The following PARD3 variants were observed in gnomAD, a reference collection of about 807,000 sequenced individuals.
PARD3 encodes partitioning defective 3 homolog.
A neutral mutation model predicts 155.4 loss-of-function variants in PARD3; 75 were observed. The ratio of observed to expected loss-of-function variants is 0.48; its 90% CI spans 0.40 to 0.58. PARD3 has a LOEUF of 0.58. Ranked by LOEUF, PARD3 falls within the 20% of genes least tolerant of loss-of-function variation. The pLI is 0.00. For missense variants in PARD3, 1,642 were observed against 1,721.7 expected, an observed-to-expected ratio of 0.95 and a Z score of 0.82; for synonymous variants, 576 against 610.5, an observed-to-expected ratio of 0.94 and a Z score of 0.83.
intron 14 of PARD3, among the ~76,000 whole-genome samples, chr10:34,356,386 A>G (rs1838880032): frequency 6.6e-6 from 1 of 152,198 alleles, no homozygotes; most frequent in Non-Finnish European, 1.5e-5. Flanking sequence ...TGAAAAATAA[A>G]GAAGACATAT....
At chr10:34,733,931 A>T (rs112469250) in intron 1 of PARD3, among the ~76,000 whole-genome samples, 1 of 149,200 alleles carries the variant, frequency 6.7e-6, no homozygotes, top group East Asian at 1.9e-4. Context: ...TGCTTCTGCG[A>T]AAGTAAAATC....
chr10:34,276,441 A>G, intron 21 of PARD3, among the ~76,000 whole-genome samples: 1 of 151,010 alleles, frequency 6.6e-6, no homozygotes, highest in South Asian at 2.1e-4. Flanking sequence ...CTCTTGTCAC[A>G]GTGTTCACCA....
At chr10:34,743,867 G>A (rs910998464) in intron 1 of PARD3, among the ~76,000 whole-genome samples, 1 of 152,120 alleles carries the variant, frequency 6.6e-6, no homozygotes, top group African/African-American at 2.4e-5. Flanking sequence ...CCCCAGATAA[G>A]GGCATGGTGG....
In PARD3 at chr10:34,351,110, T is replaced by C. The variant is rs1838032846; in HGVS notation, c.2068-2995A>G. Reference sequence around the variant, plus strand: ...ATGCATTAGCAAGCCAAATAGTGTCTTTCACCTAAAGAAAATGTATCCCAC... The same window carrying C: ...ATGCATTAGCAAGCCAAATAGTGTCCTTCACCTAAAGAAAATGTATCCCAC... On this transcript the variant is annotated intron_variant, in intron 14 of 24. Coordinates refer to ENST00000374788, the MANE Select transcript of PARD3 (RefSeq NM_001184785.2). Among the ~76,000 whole-genome samples the C allele has an allele frequency of 2.0e-5, 3 of 152,150 alleles. No individual in the cohort carries two copies. The South Asian group carries it at 6.2e-4, about 32-fold the overall frequency.
Position 34,523,721 on chromosome 10 carries a change from G to C in PARD3, c.223-6562C>G, listed in dbSNP as rs555849017. On this transcript the variant is annotated intron_variant, in intron 2 of 24. Coordinates refer to ENST00000374788, the MANE Select transcript of PARD3 (RefSeq NM_001184785.2). ...AAATTCAACAGATATGGGAGAACTAGAGCATAATGAAATAAATTTCAAAAA... is the reference window on the plus strand; with the variant it reads ...AAATTCAACAGATATGGGAGAACTACAGCATAATGAAATAAATTTCAAAAA... Among the ~76,000 whole-genome samples, 45 of 152,312 alleles carry C rather than the reference G, an allele frequency of 3.0e-4. 1 individual carries two copies. Among genetic ancestry groups the C allele is most frequent in the Admixed American group, 1.9e-3 (29 of 15,298 alleles).
At chr10:34,341,264 T>G (rs1360113320) in intron 16 of PARD3, among the ~76,000 whole-genome samples, 1 of 151,670 alleles carries the variant, frequency 6.6e-6, no homozygotes, top group East Asian at 1.9e-4. Context: ...CAAAAGTATC[T>G]AATTGTTGCC....
chr10:34,394,748 A>C (rs1236654112), intron 7 of PARD3, among the ~76,000 whole-genome samples: 2 of 152,194 alleles, frequency 1.3e-5, no homozygotes, highest in Non-Finnish European at 2.9e-5. Flanking sequence ...AGAAAGTGTC[A>C]GAAATACTTC....
intron 20 of PARD3, among the ~76,000 whole-genome samples, chr10:34,286,702 T>G (rs931249967): frequency 6.6e-6 from 1 of 152,076 alleles, no homozygotes; most frequent in South Asian, 2.1e-4. Context: ...GATTTTGGAT[T>G]TTACTGAGAT....
intron 1 of PARD3, among the ~76,000 whole-genome samples, chr10:34,716,066 G>A (rs1003077802): frequency 3.3e-5 from 5 of 152,086 alleles, no homozygotes; most frequent in East Asian, 3.9e-4. Context: ...TTTAAAGTAC[G>A]GGCTCCAAGA....
chr10:34,640,112 G>A (rs2092622059), intron 2 of PARD3, among the ~76,000 whole-genome samples: 1 of 152,168 alleles, frequency 6.6e-6, no homozygotes, highest in Non-Finnish European at 1.5e-5. Flanking sequence ...TACAACTGAA[G>A]AAAGAACAAG....
chr10:34,233,987 A>G (rs904046163), intron 22 of PARD3, among the ~76,000 whole-genome samples: 2 of 152,124 alleles, frequency 1.3e-5, no homozygotes, highest in East Asian at 3.8e-4. Flanking sequence ...CACCTGTGTA[A>G]CCAAGCCCCT....
intron 14 of PARD3, among the ~76,000 whole-genome samples, chr10:34,353,990 G>C (rs1838497105): frequency 6.6e-6 from 1 of 151,662 alleles, no homozygotes; most frequent in Non-Finnish European, 1.5e-5. Context: ...TTTAAGTGTA[G>C]TTAGATAAAA....
At position 34,399,368 on chromosome 10, in the gene PARD3, C is replaced by T. The variant is rs369631891; in HGVS notation, c.852G>A (p.Leu284=). The change falls in exon 7 of 25, where the codon CTG becomes CTA. Residue 284 remains leucine, a synonymous_variant. Transcript: ENST00000374788. ...CACTGAAAGGCACTACGTGGATTCCCAGAGGCCCTCCATCGTTGGGGACTT... is the reference window on the plus strand; with the variant it reads ...CACTGAAAGGCACTACGTGGATTCCTAGAGGCCCTCCATCGTTGGGGACTT... ...LVEVPNDGGP[L]GIHVVPFSAR... 160 of 1,612,324 alleles carry T rather than the reference C, an allele frequency of 9.9e-5. 4 individuals are homozygous for T. The South Asian group carries it at 1.5e-3, about 15-fold the overall frequency.
intron 22 of PARD3, among the ~76,000 whole-genome samples, chr10:34,222,688 C>A (rs1045916728): frequency 6.6e-6 from 1 of 152,206 alleles, no homozygotes; most frequent in African/African-American, 2.4e-5. Flanking sequence ...ACTGGATCAG[C>A]ACTTTACTTA....
Position 34,535,490 on chromosome 10 carries a change from G to C in PARD3, c.223-18331C>G, listed in dbSNP as rs142534851. Among the ~76,000 whole-genome samples the C allele has an allele frequency of 5.8e-3, 883 of 152,118 alleles. 9 individuals carry two copies. Among genetic ancestry groups the C allele is most frequent in the African/African-American group, 0.02 (848 of 41,510 alleles). On this transcript the variant is annotated intron_variant, in intron 2 of 24. Transcript: ENST00000374788. ...ATATTAAAGTAAGATATGTTTTGGGGTTTTGTTTCTTTTTTTGAGATAGTC... is the reference window on the plus strand; with the variant it reads ...ATATTAAAGTAAGATATGTTTTGGGCTTTTGTTTCTTTTTTTGAGATAGTC...
At chr10:34,333,747 G>C (rs1296976241) in intron 18 of PARD3, among the ~76,000 whole-genome samples, 1 of 152,014 alleles carries the variant, frequency 6.6e-6, no homozygotes, top group Non-Finnish European at 1.5e-5. Context: ...TGTAAAAGTT[G>C]CAACAGAGAT....
intron 5 of PARD3, among the ~76,000 whole-genome samples, chr10:34,425,853 G>A (rs2075574439): frequency 6.6e-6 from 1 of 152,072 alleles, no homozygotes. Flanking sequence ...TTAGTGTTTT[G>A]GGCAGAGTAC....
intron 5 of PARD3, among the ~76,000 whole-genome samples, chr10:34,441,715 T>C (rs1309404646): frequency 6.6e-6 from 1 of 152,184 alleles, no homozygotes; most frequent in Non-Finnish European, 1.5e-5. Flanking sequence ...TCTTGGATAA[T>C]AAAAGCAGAA....
intron 3 of PARD3, among the ~76,000 whole-genome samples, chr10:34,474,868 T>C (rs2078605826): frequency 1.3e-5 from 2 of 152,216 alleles, no homozygotes; most frequent in South Asian, 4.1e-4. Context: ...TTTTAATTCA[T>C]AGAACGATTT....
Sources: allele counts gnomAD v4.1 joint callset (sites outside exome capture counted in the v4.1 genomes callset), GRCh38; gene constraint gnomAD v4.1.1; transcripts MANE v1.5; gene names NCBI Gene and HGNC (gene_info 2026-07-23, HGNC 2026-07-21).